Variants in LPP observed in about 807,000 individuals in gnomAD.
LPP encodes the protein LIM domain containing preferred translocation partner in lipoma.
In LPP, 38 loss-of-function variants were observed where a neutral mutation model predicts 60.4. That is an observed-to-expected ratio of 0.63 (90% CI 0.49 to 0.83). The LOEUF (loss-of-function observed/expected upper bound fraction) is 0.83. Among genes scored for constraint, LPP ranks in the 40% least tolerant of loss-of-function variants. LPP has a pLI of 0.00. For missense variants in LPP, 902 were observed against 783.6 expected (o/e 1.15, Z -1.80); for synonymous variants, 328 against 290.8 (o/e 1.13, Z -1.30).
intron 2 of LPP, among the ~76,000 whole-genome samples, chr3:188,318,753 C>CTTTTTTTTTTTTTTTTTTTTTTTTTT (rs10708836): frequency 1.0e-5 from 1 of 96,838 alleles, no homozygotes; most frequent in Non-Finnish European, 1.9e-5. Context: ...AATTATGATT[C>CTTTTTTTTTTTTTTTTTTTTTTTTTT]TTTTTTTTTT....
intron 2 of LPP, among the ~76,000 whole-genome samples, chr3:188,240,802 G>T (rs1577483861): frequency 6.6e-6 from 1 of 152,032 alleles, no homozygotes; most frequent in South Asian, 2.1e-4. Flanking sequence ...TGTCCTCGGC[G>T]ACCTGAGCAG....
chr3:188,324,557 G>A (rs1300542488), intron 2 of LPP, among the ~76,000 whole-genome samples: 3 of 152,138 alleles, frequency 2.0e-5, no homozygotes, highest in African/African-American at 4.8e-5. Flanking sequence ...TACATGCTTG[G>A]CCAGTGCGTG....
At chr3:188,535,239 T>A (rs1385056154) in intron 6 of LPP, among the ~76,000 whole-genome samples, 1 of 152,192 alleles carries the variant, frequency 6.6e-6, no homozygotes, top group Non-Finnish European at 1.5e-5. Context: ...TTTCATTGTA[T>A]TGAGTCACAA....
At chr3:188,439,136 A>T (rs1039039637) in intron 4 of LPP, among the ~76,000 whole-genome samples, 3 of 152,304 alleles carry the variant, frequency 2.0e-5, no homozygotes, top group African/African-American at 4.8e-5. Flanking sequence ...AAAGGGGAGT[A>T]GTCTCCCCTA....
At chr3:188,558,109 G>C (rs1426887089) in intron 6 of LPP, among the ~76,000 whole-genome samples, 1 of 152,008 alleles carries the variant, frequency 6.6e-6, no homozygotes, top group Non-Finnish European at 1.5e-5. Context: ...ATCTGTCTCT[G>C]AGTTCTTTTG....
chr3:188,479,474 T>C (rs1273889719), intron 4 of LPP, among the ~76,000 whole-genome samples: 1 of 152,228 alleles, frequency 6.6e-6, no homozygotes, highest in Non-Finnish European at 1.5e-5. Context: ...ATCTGAGATG[T>C]ACGAGTCAAA....
At chr3:188,154,727 C>T (rs1378092171) in intron 1 of LPP, among the ~76,000 whole-genome samples, 3 of 152,204 alleles carry the variant, frequency 2.0e-5, no homozygotes, top group Non-Finnish European at 4.4e-5. Context: ...ACTTAAGTTC[C>T]CTTTCTCTAA....
At chr3:188,405,177 T>G (rs1244855207) in intron 3 of LPP, among the ~76,000 whole-genome samples, 1 of 152,192 alleles carries the variant, frequency 6.6e-6, no homozygotes, top group East Asian at 1.9e-4. Context: ...TAAATTCTAA[T>G]AATTGTCCCA....
intron 6 of LPP, among the ~76,000 whole-genome samples, chr3:188,533,748 G>T (rs17605260): frequency 0.46 from 70,610 of 151,978 alleles, 17,211 homozygotes; most frequent in East Asian, 0.92. Context: ...TTTTGAATTA[G>T]CCTGTACCCG....
intron 9 of LPP, among the ~76,000 whole-genome samples, chr3:188,774,093 G>A (rs1474745539): frequency 6.6e-6 from 1 of 152,186 alleles, no homozygotes; most frequent in Non-Finnish European, 1.5e-5. Flanking sequence ...AGAACTTTGA[G>A]CTCCTGGACT....
intron 4 of LPP, among the ~76,000 whole-genome samples, chr3:188,441,814 C>T (rs1473952346): frequency 2.0e-5 from 3 of 151,100 alleles, no homozygotes; most frequent in African/African-American, 7.3e-5. Flanking sequence ...TTAGTAGAGA[C>T]GGGGTTTCAC....
At chr3:188,649,803 C>A (rs1245494453) in intron 7 of LPP, among the ~76,000 whole-genome samples, 1 of 152,020 alleles carries the variant, frequency 6.6e-6, no homozygotes, top group East Asian at 1.9e-4. Flanking sequence ...GAAATGGAGA[C>A]AAAGCAGAAA....
chr3:188,645,189 A>G (rs1340620558), intron 7 of LPP, among the ~76,000 whole-genome samples: 1 of 152,024 alleles, frequency 6.6e-6, no homozygotes, highest in Non-Finnish European at 1.5e-5. Context: ...TTATATTTGA[A>G]TAAGTGAAAG....
At chr3:188,747,366 T>C (rs1726578957) in intron 8 of LPP, among the ~76,000 whole-genome samples, 1 of 152,234 alleles carries the variant, frequency 6.6e-6, no homozygotes, top group African/African-American at 2.4e-5. Flanking sequence ...ACTTTTCTAC[T>C]TTAAAACCCA....
chr3:188,416,254 T>A (rs1451030746), intron 4 of LPP, among the ~76,000 whole-genome samples: 1 of 152,222 alleles, frequency 6.6e-6, no homozygotes, highest in East Asian at 1.9e-4. Flanking sequence ...CCAAAATGTA[T>A]GGCTTAAACC....
intron 4 of LPP, among the ~76,000 whole-genome samples, chr3:188,423,291 C>T (rs1272839499): frequency 1.3e-5 from 2 of 152,132 alleles, no homozygotes; most frequent in Non-Finnish European, 2.9e-5. Flanking sequence ...ATTTTTATGG[C>T]TGCATAGTAT....
At chr3:188,761,969 C>T (rs1317816613) in intron 9 of LPP, among the ~76,000 whole-genome samples, 3 of 151,830 alleles carry the variant, frequency 2.0e-5, no homozygotes, top group Admixed American at 6.6e-5. Context: ...TGTGTAGAGG[C>T]ACCCAGGGTT....
chr3:188,440,971 GCGCC>G (rs1274781969), intron 4 of LPP, among the ~76,000 whole-genome samples: 1 of 149,702 alleles, frequency 6.7e-6, no homozygotes, highest in Non-Finnish European at 1.5e-5. Context: ...GTGTGTGTGT[GCGCC>G]TGTATACATC....
intron 3 of LPP, among the ~76,000 whole-genome samples, chr3:188,386,784 G>A (rs1054831817): frequency 6.6e-6 from 1 of 152,132 alleles, no homozygotes; most frequent in Non-Finnish European, 1.5e-5. Flanking sequence ...CAGAAGAGAA[G>A]TTTAATTCAA....
Sources: allele counts gnomAD v4.1 joint callset (sites outside exome capture counted in the v4.1 genomes callset), GRCh38; gene constraint gnomAD v4.1.1; transcripts MANE v1.5; gene names NCBI Gene and HGNC (gene_info 2026-07-23, HGNC 2026-07-21).